Variants in MAP1B observed in about 807,000 individuals in gnomAD.
MAP1B encodes microtubule-associated protein 1B.
MAP1B carries 12 observed loss-of-function variants against 176.1 expected under a neutral mutation model. The observed-to-expected ratio is 0.07, with a 90% CI of 0.04 to 0.11. The LOEUF (loss-of-function observed/expected upper bound fraction) is 0.11. Among genes scored for constraint, MAP1B ranks in the 10% least tolerant of loss-of-function variants. The pLI, the probability that MAP1B is intolerant of heterozygous loss-of-function variation, is 1.00. For missense variants in MAP1B, 2,523 were observed against 2,990.5 expected, an observed-to-expected ratio of 0.84 and a Z score of 3.65; for synonymous variants, 1,044 against 1,135.0, an observed-to-expected ratio of 0.92 and a Z score of 1.61.
intron 4 of MAP1B, among the ~76,000 whole-genome samples, chr5:72,191,004 G>C (rs1333063054): frequency 6.6e-6 from 1 of 152,124 alleles, no homozygotes; most frequent in Non-Finnish European, 1.5e-5. Context: ...TAACAAAAAA[G>C]ATTATCTTTG....
Position 72,199,427 on chromosome 5 carries a change from C to T in MAP1B, c.6072C>T (p.Ser2024=). ...ITSFPESEGY[S]YETSTKTTRT... is the part of the protein sequence containing the mutation. The stretch of plus-strand genomic sequence containing the variant: ...GTTTCCCTGAGTCTGAAGGTTATTC[C>T]TATGAGACATCTACAAAGACAACAC... The change falls in exon 5 of 7, where the codon TCC becomes TCT. Residue 2024 remains serine (S), a synonymous_variant. Transcript: ENST00000296755. The surrounding 1 kb of genome is among the most constrained non-coding windows in gnomAD (Gnocchi z 4.2). The T allele has an allele frequency of 1.2e-6, 2 of 1,614,114 alleles. No homozygotes were observed. Among genetic ancestry groups the T allele is most frequent in the Non-Finnish European group, 8.5e-7 (1 of 1,180,018 alleles).
At chr5:72,154,135 GA>G (rs1305044337) in intron 2 of MAP1B, among the ~76,000 whole-genome samples, 1 of 152,062 alleles carries the variant, frequency 6.6e-6, no homozygotes, top group Non-Finnish European at 1.5e-5. Context: ...TTTTCTTTAT[GA>G]CTCGTCTCTT....
chr5:72,188,745 C>G (rs1426690759), intron 4 of MAP1B, among the ~76,000 whole-genome samples: 2 of 152,136 alleles, frequency 1.3e-5, no homozygotes, highest in African/African-American at 4.8e-5. Flanking sequence ...TTTGCCCTAA[C>G]TGAAGAACTC....
chr5:72,170,806 A>T (rs3098381), intron 2 of MAP1B, among the ~76,000 whole-genome samples: 1 of 151,882 alleles, frequency 6.6e-6, no homozygotes, highest in African/African-American at 2.4e-5. Flanking sequence ...AATGATCCAG[A>T]TGTGGTAGCA....
Position 72,195,236 on chromosome 5 carries a change from T to C in MAP1B, c.1881T>C (p.Asp627=), listed in dbSNP as rs768901741. 3 of 1,613,516 alleles carry C rather than the reference T, an allele frequency of 1.9e-6. No homozygotes were observed. The South Asian group carries it at 3.3e-5, about 18-fold the overall frequency. The part of the protein sequence containing the change: ...KAEVAEKQAT[D]VKPKAAKEKT... ...AGGTGGCTGAGAAGCAAGCCACAGA[T>C]GTCAAACCCAAAGCTGCCAAGGAGA... The change falls in exon 5 of 7, where the codon GAT becomes GAC. Residue 627 remains aspartate, a synonymous_variant. Transcript: ENST00000296755.
intron 2 of MAP1B, among the ~76,000 whole-genome samples, chr5:72,138,060 A>G (rs1212146766): frequency 6.6e-6 from 1 of 152,242 alleles, no homozygotes; most frequent in Non-Finnish European, 1.5e-5. Context: ...AAATTGTTAC[A>G]TAATTAAAAG....
chr5:72,117,867 C>A (rs1037841532), intron 2 of MAP1B, among the ~76,000 whole-genome samples: 1 of 152,186 alleles, frequency 6.6e-6, no homozygotes, highest in Non-Finnish European at 1.5e-5. Context: ...AGTCATGCTC[C>A]TGTGTGGGGA....
chr5:72,130,302 A>G lies in MAP1B; in HGVS notation c.286+14503A>G, dbSNP rs143926653. On this transcript the variant is annotated intron_variant, in intron 2 of 6. Transcript: ENST00000296755. ...CAGAAATGGCTTTTTCCCAATGTCA[A>G]CTGAATCATAAGAAAAAAGGAATGC... is the stretch of plus-strand genomic sequence containing the variant. Among the ~76,000 whole-genome samples, 316 of 152,288 alleles carry G rather than the reference A, an allele frequency of 2.1e-3. 2 individuals are homozygous for G. Among genetic ancestry groups the G allele is most frequent in the African/African-American group, 6.9e-3 (286 of 41,566 alleles).
intron 2 of MAP1B, among the ~76,000 whole-genome samples, chr5:72,143,860 TA>T (rs200780614): frequency 0.014 from 2,187 of 152,150 alleles, 51 homozygotes; most frequent in African/African-American, 0.05. Context: ...CTAATTTATT[TA>T]TTTTTTTTGT....
intron 2 of MAP1B, among the ~76,000 whole-genome samples, chr5:72,167,898 G>A (rs536967596): frequency 1.3e-5 from 2 of 152,306 alleles, no homozygotes; most frequent in Admixed American, 1.3e-4. Context: ...TTTTCAGAAC[G>A]ATGTAGATAA....
At chr5:72,152,284 G>C (rs566940407) in intron 2 of MAP1B, among the ~76,000 whole-genome samples, 1 of 152,136 alleles carries the variant, frequency 6.6e-6, no homozygotes, top group East Asian at 1.9e-4. Flanking sequence ...GAAGCAATTG[G>C]CCTCTAGCTC....
In MAP1B at chr5:72,197,324, A is replaced by G. The variant is rs3828618; in HGVS notation, c.3969A>G (p.Pro1323=). The G allele has an allele frequency of 6.1e-4, 979 of 1,614,206 alleles. 16 individuals are homozygous for G. In the East Asian group the frequency reaches 0.021, roughly 35 times the overall value. Residue 1323 remains proline, a synonymous_variant, in exon 5 of 7, where the codon CCA becomes CCG. Coordinates refer to ENST00000296755, the MANE Select transcript of MAP1B (RefSeq NM_005909.5). ...ACAAGACTCTGGAAGTGGTGTCACC[A>G]TCTCAGTCCGTGACTGGCAGTGCTG... ...PEDKTLEVVS[P]SQSVTGSAGH...
intron 2 of MAP1B, among the ~76,000 whole-genome samples, chr5:72,182,290 G>A (rs576280754): frequency 4.5e-4 from 68 of 151,980 alleles, no homozygotes; most frequent in African/African-American, 1.6e-3. Flanking sequence ...ACTCTATAAA[G>A]TTGCCTATTC....
At position 72,194,870 on chromosome 5, in the gene MAP1B, C is replaced by A; in HGVS notation, c.1515C>A (p.Leu505=). 1 of 1,614,140 alleles carries A rather than the reference C, an allele frequency of 6.2e-7. No homozygotes were observed. Among genetic ancestry groups the A allele is most frequent in the Non-Finnish European group, 8.5e-7 (1 of 1,179,998 alleles). ...QYNILEGLEK[L]KHLDFLKQPL... ...ACATCCTGGAAGGGTTGGAAAAGCTCAAACATCTAGACTTTCTGAAGCAGC... is the reference window on the plus strand; with the variant it reads ...ACATCCTGGAAGGGTTGGAAAAGCTAAAACATCTAGACTTTCTGAAGCAGC... The change falls in exon 5 of 7, where the codon CTC becomes CTA. Residue 505 remains leucine, a synonymous_variant. Coordinates refer to ENST00000296755, the MANE Select transcript of MAP1B (RefSeq NM_005909.5). This position sits in a 1 kb window ranked among gnomAD's most constrained non-coding sequence, Gnocchi z 7.2.
intron 1 of MAP1B, among the ~76,000 whole-genome samples, chr5:72,112,683 G>C (rs1164312676): frequency 6.6e-6 from 1 of 152,222 alleles, no homozygotes; most frequent in Non-Finnish European, 1.5e-5. Flanking sequence ...AGCAGGCCCA[G>C]ATTGTTCTCA....
rs375926694 is a variant in MAP1B at position 72,199,850 on chromosome 5, G to A, written c.6495G>A (p.Glu2165=). 1 of 1,614,072 alleles carries A rather than the reference G, an allele frequency of 6.2e-7. No homozygotes were observed. Among genetic ancestry groups the A allele is most frequent in the African/African-American group, 1.3e-5 (1 of 74,948 alleles). ...PSQTDSDVPP[E]TEECPSITAD... ...AGACCGACTCTGATGTTCCCCCGGA[G>A]ACTGAAGAGTGCCCCTCCATCACGG... Residue 2165 remains glutamate, a synonymous_variant, in exon 5 of 7, where the codon GAG becomes GAA. Transcript: ENST00000296755. This position sits in a 1 kb window ranked among gnomAD's most constrained non-coding sequence, Gnocchi z 4.2.
chr5:72,207,881 A>G lies in MAP1B; in HGVS notation c.*2642A>G, dbSNP rs946440133. Reference sequence around the variant, plus strand: ...TAACCTGAACATTATTTTGCTTTAAAAACTATAAACATTGTAGGAGAATTA... The same window carrying G: ...TAACCTGAACATTATTTTGCTTTAAGAACTATAAACATTGTAGGAGAATTA... On this transcript the variant is annotated 3_prime_UTR_variant, in exon 7 of 7. Transcript: ENST00000296755. The G allele has an allele frequency of 2.3e-4, 35 of 152,122 alleles. 1 individual carries two copies. The allele number at this position is 152,122 out of a possible 1,614,324, so 9.4% of individuals were successfully genotyped here.
chr5:72,167,455 A>C (rs1261871218), intron 2 of MAP1B, among the ~76,000 whole-genome samples: 3 of 152,242 alleles, frequency 2.0e-5, no homozygotes, highest in African/African-American at 7.2e-5. Context: ...AGTTGACCAC[A>C]AGACTCAGAT....
chr5:72,165,946 G>A (rs1476589756), intron 2 of MAP1B, among the ~76,000 whole-genome samples: 1 of 152,124 alleles, frequency 6.6e-6, no homozygotes, highest in Non-Finnish European at 1.5e-5. Flanking sequence ...AAACATTTCA[G>A]TAGCTCTGAG....
Sources: allele counts gnomAD v4.1 joint callset (sites outside exome capture counted in the v4.1 genomes callset), GRCh38; gene constraint gnomAD v4.1.1; non-coding constraint Gnocchi (gnomAD v3.1); transcripts MANE v1.5; gene names NCBI Gene and HGNC (gene_info 2026-07-23, HGNC 2026-07-21).